Variants in DAB1 observed in about 807,000 individuals in gnomAD.
DAB1 encodes disabled homolog 1.
A neutral mutation model predicts 64.6 loss-of-function variants in DAB1; 15 were observed. That is an observed-to-expected ratio of 0.23 (90% confidence interval 0.16 to 0.36). DAB1 has a LOEUF of 0.36. Among genes scored for constraint, DAB1 ranks in the 10% least tolerant of loss-of-function variants. DAB1 has a pLI of 1.00. For synonymous variants in DAB1, 235 were observed against 251.9 expected, an observed-to-expected ratio of 0.93 and a Z score of 0.64; for missense variants, 596 against 706.7, an observed-to-expected ratio of 0.84 and a Z score of 1.78.
At chr1:58,287,376 G>A (rs1218670825) in intron 4 of DAB1, among the ~76,000 whole-genome samples, 1 of 152,142 alleles carries the variant, frequency 6.6e-6, no homozygotes, top group Non-Finnish European at 1.5e-5. Flanking sequence ...ATATCTCACA[G>A]TTCTATGCAT....
intron 2 of DAB1, among the ~76,000 whole-genome samples, chr1:57,219,916 C>A (rs1569938710): frequency 6.6e-6 from 1 of 152,152 alleles, no homozygotes; most frequent in Non-Finnish European, 1.5e-5. Flanking sequence ...GACCCCTGAC[C>A]CATGGAAACT....
intron 9 of DAB1, among the ~76,000 whole-genome samples, chr1:57,028,831 A>G (rs998707493): frequency 5.9e-5 from 9 of 152,208 alleles, no homozygotes; most frequent in African/African-American, 1.9e-4. Context: ...AAAGCATTCA[A>G]TAGGTAACTT....
chr1:57,936,717 G>C (rs1280270320), intron 5 of DAB1, among the ~76,000 whole-genome samples: 1 of 151,740 alleles, frequency 6.6e-6, no homozygotes. Flanking sequence ...ATGGAGTCTC[G>C]CACTGTTGTT....
intron 5 of DAB1, among the ~76,000 whole-genome samples, chr1:57,931,998 T>A (rs1219425630): frequency 6.6e-6 from 1 of 152,170 alleles, no homozygotes; most frequent in Non-Finnish European, 1.5e-5. Context: ...CAAATTTCCC[T>A]CTAAGCACAG....
chr1:57,586,013 T>A (rs1645375465), intron 7 of DAB1, among the ~76,000 whole-genome samples: 1 of 152,186 alleles, frequency 6.6e-6, no homozygotes, highest in Non-Finnish European at 1.5e-5. Context: ...GGCTCTGTAA[T>A]TACATGTGTT....
rs112463754 is a variant in DAB1 at position 57,734,566 on chromosome 1, T to G, written n.552-84901A>C. On this transcript the variant is annotated intron_variant and non_coding_transcript_variant, in intron 6 of 20. Coordinates refer to the DAB1 transcript ENST00000485760. ...TGAAGCATCTATTCCATTCTCCACT[T>G]TTTTTTCATAATACCTTTTTTACCT... Among the ~76,000 whole-genome samples the G allele has an allele frequency of 5.4e-3, 821 of 152,300 alleles. 10 individuals are homozygous for G. The highest frequency in any genetic ancestry group is 0.019 in the African/African-American group (782 of 41,556).
At chr1:57,704,400 A>G (rs893757224) in intron 6 of DAB1, among the ~76,000 whole-genome samples, 1 of 152,116 alleles carries the variant, frequency 6.6e-6, no homozygotes, top group Non-Finnish European at 1.5e-5. Flanking sequence ...GCCTCTGAGC[A>G]TTTTTCATTT....
At chr1:57,284,666 G>T (rs1672172266) in intron 2 of DAB1, among the ~76,000 whole-genome samples, 1 of 152,270 alleles carries the variant, frequency 6.6e-6, no homozygotes, top group African/African-American at 2.4e-5. Flanking sequence ...CTGATAAAAA[G>T]ATTGTTTTCT....
At chr1:58,123,604 T>C (rs1237967346) in intron 5 of DAB1, among the ~76,000 whole-genome samples, 1 of 152,176 alleles carries the variant, frequency 6.6e-6, no homozygotes, top group East Asian at 1.9e-4. Flanking sequence ...TAGTTCCCCT[T>C]TGTTCTGTGA....
At chr1:57,010,087 C>A (rs979712761) in intron 14 of DAB1, among the ~76,000 whole-genome samples, 1 of 152,180 alleles carries the variant, frequency 6.6e-6, no homozygotes, top group Non-Finnish European at 1.5e-5. Flanking sequence ...TTATTTCAAG[C>A]ACTGCTTGTT....
intron 4 of DAB1, among the ~76,000 whole-genome samples, chr1:57,115,348 C>A (rs891783602): frequency 6.6e-6 from 1 of 152,166 alleles, no homozygotes. Flanking sequence ...TTATAAAGTA[C>A]TTAGCATGGG....
chr1:57,480,284 G>C (rs749207651), intron 7 of DAB1, among the ~76,000 whole-genome samples: 4 of 152,098 alleles, frequency 2.6e-5, no homozygotes, highest in Non-Finnish European at 5.9e-5. Flanking sequence ...CCAGGTTCAA[G>C]AGGAAAGAAC....
intron 7 of DAB1, among the ~76,000 whole-genome samples, chr1:57,432,212 T>C (rs1685544266): frequency 6.6e-6 from 1 of 152,198 alleles, no homozygotes; most frequent in Non-Finnish European, 1.5e-5. Context: ...ACATATTTTG[T>C]AGCCTCTATG....
At chr1:57,105,015 C>G (rs1052280470) in intron 4 of DAB1, among the ~76,000 whole-genome samples, 7 of 152,032 alleles carry the variant, frequency 4.6e-5, no homozygotes, top group Non-Finnish European at 7.4e-5. Flanking sequence ...CAGTAAACTC[C>G]AACATTTGTA....
At chr1:57,615,489 T>C (rs980711280) in intron 7 of DAB1, among the ~76,000 whole-genome samples, 2 of 152,174 alleles carry the variant, frequency 1.3e-5, no homozygotes, top group Admixed American at 1.3e-4. Flanking sequence ...AAATCCACCC[T>C]AGGACCATCA....
intron 12 of DAB1, among the ~76,000 whole-genome samples, chr1:57,013,152 TCC>T (rs1386046743): frequency 1.3e-5 from 2 of 152,220 alleles, no homozygotes; most frequent in African/African-American, 4.8e-5. Flanking sequence ...GCCCAACATG[TCC>T]ATAGTGCCGA....
intron 3 of DAB1, among the ~76,000 whole-genome samples, chr1:57,143,463 A>G (rs1331365263): frequency 6.6e-6 from 1 of 152,118 alleles, no homozygotes; most frequent in Non-Finnish European, 1.5e-5. Flanking sequence ...AGATGCACTA[A>G]CTTCTTCCAA....
At chr1:57,972,704 A>T (rs1570124922) in intron 5 of DAB1, among the ~76,000 whole-genome samples, 1 of 152,352 alleles carries the variant, frequency 6.6e-6, no homozygotes, top group East Asian at 1.9e-4. Context: ...ATTTGGAGAG[A>T]AAAACAAGAA....
chr1:57,841,989 C>G (rs1380768541), intron 1 of DAB1, among the ~76,000 whole-genome samples: 2 of 152,196 alleles, frequency 1.3e-5, no homozygotes, highest in Admixed American at 6.5e-5. Flanking sequence ...CCTTTATGCT[C>G]TGCTTCCTTT....
Sources: allele counts gnomAD v4.1 joint callset (sites outside exome capture counted in the v4.1 genomes callset), GRCh38; gene constraint gnomAD v4.1.1; transcripts MANE v1.5; gene names NCBI Gene and HGNC (gene_info 2026-07-23, HGNC 2026-07-21).